Variants in ZNF385D observed in about 807,000 individuals in gnomAD.
The protein encoded by ZNF385D is zinc finger protein 659.
ZNF385D carries 15 observed loss-of-function variants against 35.8 expected under a neutral mutation model. The ratio of observed to expected loss-of-function variants is 0.42; its 90% CI spans 0.28 to 0.64. ZNF385D has a LOEUF of 0.64. Ranked by LOEUF, ZNF385D falls within the 30% of genes least tolerant of loss-of-function variation. ZNF385D has a pLI of 0.23. For missense variants in ZNF385D, 474 were observed against 494.6 expected, an observed-to-expected ratio of 0.96 and a Z score of 0.39; for synonymous variants, 212 against 186.8, an observed-to-expected ratio of 1.13 and a Z score of -1.10.
chr3:21,601,510 C>T (rs1307159024), intron 2 of ZNF385D, among the ~76,000 whole-genome samples: 1 of 152,194 alleles, frequency 6.6e-6, no homozygotes, highest in Admixed American at 6.5e-5. Flanking sequence ...GAGCGTTAAG[C>T]ATATGGCCTC....
At chr3:21,944,395 T>G (rs192609058) in intron 3 of ZNF385D, among the ~76,000 whole-genome samples, 187 of 152,290 alleles carry the variant, frequency 1.2e-3, no homozygotes, top group African/African-American at 4.2e-3. Flanking sequence ...CAGTCAAGCT[T>G]TCATAGGGGA....
intron 3 of ZNF385D, among the ~76,000 whole-genome samples, chr3:22,067,995 G>A (rs1700041129): frequency 7.1e-6 from 1 of 140,108 alleles, no homozygotes; most frequent in African/African-American, 2.9e-5. Context: ...CCTGGTGAAA[G>A]AGCAAGACTC....
intron 3 of ZNF385D, among the ~76,000 whole-genome samples, chr3:21,790,470 T>A (rs1282694041): frequency 6.6e-6 from 1 of 152,172 alleles, no homozygotes; most frequent in African/African-American, 2.4e-5. Context: ...TTTTGAAGTT[T>A]AAATATTTTC....
In ZNF385D at chr3:21,555,382, G is replaced by C. The variant is rs1358031872; in HGVS notation, c.276+9192C>G. ...CCCTCCCCTAGCCCCCTGACCCTTC[G>C]ACAGGCCCTGGTGTGTGATGTTCCC... is the stretch of plus-strand genomic sequence containing the variant. On this transcript the variant is annotated intron_variant, in intron 3 of 7. Coordinates refer to ENST00000281523, the MANE Select transcript of ZNF385D (RefSeq NM_024697.3). Among the ~76,000 whole-genome samples, 4 of 151,810 alleles carry C rather than the reference G, an allele frequency of 2.6e-5. No homozygotes were observed. The East Asian group carries it at 7.8e-4, about 29-fold the overall frequency.
intron 1 of ZNF385D, among the ~76,000 whole-genome samples, chr3:21,675,824 T>C (rs1168477129): frequency 6.6e-6 from 1 of 152,116 alleles, no homozygotes; most frequent in East Asian, 1.9e-4. Flanking sequence ...ATTAGATTTG[T>C]ATTCTTTTTG....
At chr3:22,138,349 G>A (rs148213758) in intron 3 of ZNF385D, among the ~76,000 whole-genome samples, 39 of 152,204 alleles carry the variant, frequency 2.6e-4, no homozygotes, top group African/African-American at 8.4e-4. Context: ...AATAGAACCC[G>A]CATTGCCAAG....
At chr3:21,423,940 G>A (rs752737197) in intron 7 of ZNF385D, 23 bp downstream of exon 7, 1 of 1,597,622 alleles carries the variant, frequency 6.3e-7, no homozygotes, top group South Asian at 1.1e-5. Context: ...ATAGAGGCTG[G>A]ACTCTTGCAA....
rs529691048 is a variant in ZNF385D, at chr3:21,761,940, G to A, written c.326-96912C>T. On this transcript the variant is annotated intron_variant, in intron 3 of 5. Transcript: ENST00000494108. Reference sequence around the variant, plus strand: ...TGTCACCAGGTTGGAGTGCAGTGGCGCGATCTCGGCTCACTGCAACCTCTG... The same window carrying A: ...TGTCACCAGGTTGGAGTGCAGTGGCACGATCTCGGCTCACTGCAACCTCTG... 7.5e-5 allele frequency among the ~76,000 whole-genome samples: 10 copies of A among 132,752 alleles called. 1 individual carries two copies. Among genetic ancestry groups the A allele is most frequent in the South Asian group, 5.0e-4 (2 of 4,026 alleles). The allele number at this position is 132,752 out of a possible 152,430, so 87.1% of individuals were successfully genotyped here.
At chr3:22,328,298 T>C (rs1694769465) in intron 2 of ZNF385D, among the ~76,000 whole-genome samples, 1 of 152,100 alleles carries the variant, frequency 6.6e-6, no homozygotes, top group Admixed American at 6.6e-5. Context: ...AGCTGTATGT[T>C]ACATTTTCTT....
At chr3:22,126,686 A>G (rs867930242) in intron 3 of ZNF385D, among the ~76,000 whole-genome samples, 21 of 152,174 alleles carry the variant, frequency 1.4e-4, no homozygotes, top group African/African-American at 4.6e-4. Context: ...CTGTAGATAT[A>G]TATTAGGTCC....
chr3:21,822,321 C>G (rs1239189927), intron 3 of ZNF385D, among the ~76,000 whole-genome samples: 3 of 152,136 alleles, frequency 2.0e-5, no homozygotes, highest in Non-Finnish European at 2.9e-5. Flanking sequence ...ATTCACCCGC[C>G]TCAGCCTCCC....
chr3:21,620,489 A>G (rs1278012932), intron 2 of ZNF385D, among the ~76,000 whole-genome samples: 1 of 152,094 alleles, frequency 6.6e-6, no homozygotes, highest in Non-Finnish European at 1.5e-5. Flanking sequence ...TTTTATACCA[A>G]CAAGCCAATG....
intron 3 of ZNF385D, among the ~76,000 whole-genome samples, chr3:21,857,438 G>C (rs777255779): frequency 5.9e-5 from 9 of 151,926 alleles, no homozygotes; most frequent in Non-Finnish European, 1.0e-4. Flanking sequence ...GAGATTTTTT[G>C]TTGTTGTTGC....
intron 3 of ZNF385D, among the ~76,000 whole-genome samples, chr3:21,813,237 T>C (rs2073008868): frequency 6.6e-6 from 1 of 151,976 alleles, no homozygotes; most frequent in Admixed American, 6.5e-5. Context: ...ACCACAAAGA[T>C]GGGGAGAAAC....
intron 4 of ZNF385D, among the ~76,000 whole-genome samples, chr3:21,451,296 G>A (rs1024077943): frequency 6.6e-6 from 1 of 152,032 alleles, no homozygotes; most frequent in Non-Finnish European, 1.5e-5. Context: ...TCACCAAAAT[G>A]ATGATTTATA....
chr3:21,477,388 C>T (rs1006937714), intron 4 of ZNF385D, among the ~76,000 whole-genome samples: 25 of 152,144 alleles, frequency 1.6e-4, no homozygotes, highest in African/African-American at 5.8e-4. Flanking sequence ...GATTGTGCCA[C>T]TGTACTTCAG....
In ZNF385D at chr3:21,850,292, A is replaced by G. The variant is rs76190086; in HGVS notation, c.326-185264T>C. Among the ~76,000 whole-genome samples, 49 of 152,252 alleles carry G rather than the reference A, an allele frequency of 3.2e-4. No individual in the cohort carries two copies. In the East Asian group the frequency reaches 8.5e-3, roughly 27 times the overall value. On this transcript the variant is annotated intron_variant, in intron 3 of 5. Transcript: ENST00000494108. ...AAACAATTATTTTCCAACATTGCAC[A>G]GAAAGAAATATGGGATTATGATCCC...
At chr3:21,895,368 C>T (rs1438614163) in intron 3 of ZNF385D, among the ~76,000 whole-genome samples, 2 of 132,716 alleles carry the variant, frequency 1.5e-5, no homozygotes, top group Non-Finnish European at 3.1e-5. Flanking sequence ...CACTCTGTCA[C>T]CCTGACTGCA....
intron 3 of ZNF385D, among the ~76,000 whole-genome samples, chr3:21,914,352 C>G (rs1472982342): frequency 1.3e-5 from 2 of 149,838 alleles, no homozygotes; most frequent in Non-Finnish European, 3.0e-5. Context: ...CAGTCTCTAA[C>G]CCATCTTCTG....
Sources: gnomAD v4.1 joint callset for allele counts (sites outside exome capture counted in the v4.1 genomes callset) on GRCh38, gnomAD v4.1.1 for gene constraint, MANE v1.5 for transcripts, NCBI Gene and HGNC (gene_info 2026-07-23, HGNC 2026-07-21) for gene names.